RABL3: variants seen among roughly 807,000 people sequenced by gnomAD.
The protein encoded by RABL3 is RAB, member of RAS oncogene family like 3.
In RABL3, 31 loss-of-function variants were observed where a neutral mutation model predicts 31.8. The ratio of observed to expected loss-of-function variants is 0.97; its 90% CI spans 0.73 to 1.31. The LOEUF is 1.31. Among genes scored for constraint, RABL3 ranks in the 40% most tolerant of loss-of-function variants. The probability of loss-of-function intolerance (pLI) is 0.00; values close to 1 mark genes in which losing one functional copy is unlikely to be tolerated. For missense variants in RABL3, 263 were observed against 279.6 expected (o/e 0.94, Z 0.42); for synonymous variants, 97 against 99.9 (o/e 0.97, Z 0.18).
chr3:120,703,804 T>A lies in RABL3; in HGVS notation c.383+2196A>T, dbSNP rs979908096. Among the ~76,000 whole-genome samples, 7 of 152,192 alleles carry A rather than the reference T, an allele frequency of 4.6e-5. No individual in the cohort carries two copies. The East Asian group carries it at 9.6e-4, about 21-fold the overall frequency. On this transcript the variant is annotated intron_variant, in intron 4 of 7. Transcript: ENST00000273375. The stretch of plus-strand genomic sequence containing the variant: ...AACTCTATTGATATACATTAAAAAA[T>A]TTAATGAAATAGATGGAATTCCTTG...
At chr3:120,690,551 G>C in intron 6 of RABL3, 64 bp from the exon 7 acceptor site, 2 of 1,070,744 alleles carry the variant, frequency 1.9e-6, no homozygotes. Context: ...TAACTGCAAC[G>C]ACCACTAATG....
At chr3:120,706,726 T>A (rs549585250) in intron 3 of RABL3, among the ~76,000 whole-genome samples, 72 of 152,180 alleles carry the variant, frequency 4.7e-4, no homozygotes, top group Middle Eastern at 3.4e-3. Flanking sequence ...GTAAGCTTCC[T>A]ACCTGTAAGA....
intron 1 of RABL3, among the ~76,000 whole-genome samples, chr3:120,731,542 T>A (rs1273209583): frequency 6.6e-6 from 1 of 152,150 alleles, no homozygotes; most frequent in Non-Finnish European, 1.5e-5. Flanking sequence ...GAGATTTGTA[T>A]GAAGAGGAAA....
intron 4 of RABL3, among the ~76,000 whole-genome samples, chr3:120,702,178 G>A (rs1559813496): frequency 6.6e-6 from 1 of 152,130 alleles, no homozygotes; most frequent in South Asian, 2.1e-4. Context: ...TTGTGGCAAA[G>A]GCTATAACAC....
intron 2 of RABL3, among the ~76,000 whole-genome samples, chr3:120,728,409 G>A (rs951028481): frequency 1.3e-5 from 2 of 152,180 alleles, no homozygotes; most frequent in East Asian, 1.9e-4. Flanking sequence ...GACTCAGGAG[G>A]TGAGTGTTTA....
At chr3:120,713,030 C>A (rs1708629639) in intron 2 of RABL3, among the ~76,000 whole-genome samples, 1 of 151,956 alleles carries the variant, frequency 6.6e-6, no homozygotes, top group South Asian at 2.1e-4. Context: ...CTGCAGTACA[C>A]CATTTTTTTT....
intron 2 of RABL3, chr3:120,710,446 C>T (rs953801279): frequency 6.6e-6 from 1 of 152,188 alleles, no homozygotes; most frequent in African/African-American, 2.4e-5. Context: ...AATATCTCTT[C>T]CCCATCCTCA....
Position 120,689,777 on chromosome 3 carries a change from G to A in RABL3, c.*46C>T, listed in dbSNP as rs769823502. 10 of 1,341,592 alleles carry A rather than the reference G, an allele frequency of 7.5e-6. No individual in the cohort carries two copies. The South Asian group carries it at 1.1e-4, about 14-fold the overall frequency. 83.1% of individuals were successfully genotyped at this position (1,341,592 alleles called of 1,614,324 possible). ...AATTGAACACAGCAAGATGAGCTGT[G>A]AAAAACTGCCACTGCTTGCTCACTC... On this transcript the variant is annotated 3_prime_UTR_variant, in exon 8 of 8. Transcript: ENST00000273375.
chr3:120,688,285 G>A lies in RABL3; in HGVS notation c.*1538C>T, dbSNP rs928671878. ...GTACAGCCTATGCAACAACATACTT[G>A]TGACCAATTCTACATACAGATCATG... On this transcript the variant is annotated 3_prime_UTR_variant, in exon 8 of 8. Transcript: ENST00000273375. 2 of 152,532 alleles carry A rather than the reference G, an allele frequency of 1.3e-5. No homozygotes were observed. The highest frequency in any genetic ancestry group is 4.8e-5 in the African/African-American group (2 of 41,402). 9.4% of individuals were successfully genotyped at this position (152,532 alleles called of 1,614,324 possible).
At chr3:120,720,366 T>C (rs567172215) in intron 2 of RABL3, among the ~76,000 whole-genome samples, 25 of 152,178 alleles carry the variant, frequency 1.6e-4, no homozygotes, top group South Asian at 8.3e-4. Flanking sequence ...AGAAGAAGGC[T>C]TCAGACGATC....
At chr3:120,702,500 C>T (rs991797751) in intron 4 of RABL3, among the ~76,000 whole-genome samples, 1 of 152,038 alleles carries the variant, frequency 6.6e-6, no homozygotes, top group South Asian at 2.1e-4. Flanking sequence ...TGGTTCCTAA[C>T]AGGCCATGGA....
chr3:120,715,381 TACA>T (rs1708656617), intron 2 of RABL3, among the ~76,000 whole-genome samples: 1 of 151,962 alleles, frequency 6.6e-6, no homozygotes, highest in African/African-American at 2.4e-5. Flanking sequence ...CTACTAAAAA[TACA>T]ACAATTAGCC....
At chr3:120,739,494 A>T (rs1019218602) in intron 1 of RABL3, among the ~76,000 whole-genome samples, 1 of 152,138 alleles carries the variant, frequency 6.6e-6, no homozygotes, top group Non-Finnish European at 1.5e-5. Flanking sequence ...TTTTCCTCTC[A>T]TAAATTCTCT....
chr3:120,716,915 G>A (rs1708676939), intron 2 of RABL3, among the ~76,000 whole-genome samples: 1 of 152,148 alleles, frequency 6.6e-6, no homozygotes, highest in African/African-American at 2.4e-5. Context: ...ATTTAAAAAT[G>A]CCTTTTACTT....
intron 3 of RABL3, among the ~76,000 whole-genome samples, chr3:120,706,871 G>A (rs1708555759): frequency 6.6e-6 from 1 of 151,852 alleles, no homozygotes. Context: ...AATGTAACGA[G>A]GCCCAGAAAT....
At chr3:120,713,868 T>G (rs1044087724) in intron 2 of RABL3, among the ~76,000 whole-genome samples, 16 of 147,872 alleles carry the variant, frequency 1.1e-4, no homozygotes, top group Non-Finnish European at 1.8e-4. Context: ...TGGAGTGCAG[T>G]GGCATGATTT....
intron 7 of RABL3, 69 bp downstream of exon 7, chr3:120,690,380 C>A: frequency 1.7e-6 from 2 of 1,171,894 alleles, no homozygotes; most frequent in Non-Finnish European, 1.3e-6. Flanking sequence ...AAAACTACTT[C>A]TGAACTTAAA....
chr3:120,710,685 T>C (rs747463757), intron 2 of RABL3: 2 of 152,130 alleles, frequency 1.3e-5, no homozygotes, highest in Non-Finnish European at 2.9e-5. Context: ...CTCCCGTCTC[T>C]CCCTTATACC....
At chr3:120,712,589 A>T (rs1424372527) in intron 2 of RABL3, among the ~76,000 whole-genome samples, 4 of 151,870 alleles carry the variant, frequency 2.6e-5, no homozygotes, top group African/African-American at 9.7e-5. Flanking sequence ...TACTCCTCCT[A>T]TTTGCTTCCA....
Sources: allele counts gnomAD v4.1 joint callset (sites outside exome capture counted in the v4.1 genomes callset), GRCh38; gene constraint gnomAD v4.1.1; transcripts MANE v1.5; gene names NCBI Gene and HGNC (gene_info 2026-07-23, HGNC 2026-07-21).